Variants in PIK3C2G observed in about 807,000 individuals in gnomAD.
PIK3C2G encodes the protein phosphatidylinositol 3-kinase C2 domain-containing subunit gamma.
A neutral mutation model predicts 181.1 loss-of-function variants in PIK3C2G; 168 were observed. That is an observed-to-expected ratio of 0.93 (90% CI 0.82 to 1.05). The LOEUF (loss-of-function observed/expected upper bound fraction) is 1.05. PIK3C2G is among the 50% of genes least tolerant of loss of function. PIK3C2G has a pLI of 0.00. For synonymous variants in PIK3C2G, 573 were observed against 592.2 expected (o/e 0.97, Z 0.47); for missense variants, 1,869 against 1,732.8 (o/e 1.08, Z -1.40).
intron 6 of PIK3C2G, chr12:18,320,085 C>T (rs915776984): frequency 1.3e-5 from 2 of 152,172 alleles, no homozygotes; most frequent in East Asian, 3.9e-4. Context: ...GAAGGTTTTC[C>T]TTCTGATGTT....
At chr12:18,641,330 T>C (rs548929901) in intron 32 of PIK3C2G, among the ~76,000 whole-genome samples, 1 of 152,276 alleles carries the variant, frequency 6.6e-6, no homozygotes, top group Admixed American at 6.5e-5. Context: ...TTCTGACCTT[T>C]ATTGATAGTA....
At chr12:18,570,532 C>A (rs1945877634) in intron 29 of PIK3C2G, among the ~76,000 whole-genome samples, 2 of 150,112 alleles carry the variant, frequency 1.3e-5, no homozygotes, top group African/African-American at 5.0e-5. Context: ...TTTATTAATA[C>A]ACACACTCAA....
intron 20 of PIK3C2G, among the ~76,000 whole-genome samples, chr12:18,494,054 A>G (rs926397573): frequency 6.6e-6 from 1 of 152,178 alleles, no homozygotes; most frequent in Admixed American, 6.5e-5. Context: ...ATTTTTAGAT[A>G]TCTGTCATTA....
At chr12:18,470,931 T>C (rs777616230) in intron 18 of PIK3C2G, among the ~76,000 whole-genome samples, 35 of 152,156 alleles carry the variant, frequency 2.3e-4, no homozygotes, top group Non-Finnish European at 3.7e-4. Flanking sequence ...TTACTTTATT[T>C]CAAAGTTTCC....
Position 18,293,890 on chromosome 12 carries a change from T to C in PIK3C2G, c.920-11T>C. On this transcript the variant is annotated splice_polypyrimidine_tract_variant and intron_variant, in intron 4 of 32. Transcript: ENST00000538779. ...CTTTTATTGACTTTTATTATTCCTC[T>C]TTTTCTTTAGCTAATTATCTTGTCA... 7.5e-7 allele frequency: 1 copy of C among 1,339,468 alleles called. No individual in the cohort carries two copies. The highest frequency in any genetic ancestry group is 1.1e-6 in the Non-Finnish European group (1 of 931,518). 83.0% of individuals were successfully genotyped at this position (1,339,468 alleles called of 1,614,324 possible).
intron 5 of PIK3C2G, 107 bp downstream of exon 5, chr12:18,294,122 T>C (rs1447010494): frequency 3.4e-6 from 2 of 591,208 alleles, no homozygotes; most frequent in Non-Finnish European, 6.0e-6. Flanking sequence ...TATAGTCTTA[T>C]ATAATTAAAT....
chr12:18,287,897 C>T (rs555637224), intron 3 of PIK3C2G, among the ~76,000 whole-genome samples: 2 of 151,274 alleles, frequency 1.3e-5, no homozygotes, highest in South Asian at 2.1e-4. Context: ...CACGGTGGCT[C>T]ACGCCTGTAA....
At chr12:18,423,858 T>C (rs1418313199) in intron 17 of PIK3C2G, 87 bp from the exon 18 acceptor site, 11 of 755,934 alleles carry the variant, frequency 1.5e-5, no homozygotes, top group Non-Finnish European at 2.3e-5. Flanking sequence ...CTGTTTTCTC[T>C]AGTCTTTTCT....
At chr12:18,383,757 TA>T (rs1051175156) in intron 14 of PIK3C2G, among the ~76,000 whole-genome samples, 11 of 151,394 alleles carry the variant, frequency 7.3e-5, no homozygotes, top group African/African-American at 2.7e-4. Flanking sequence ...GAAAATGCCT[TA>T]AAAAAACAGG....
At chr12:18,594,031 T>G (rs1161442030) in intron 29 of PIK3C2G, among the ~76,000 whole-genome samples, 1 of 151,932 alleles carries the variant, frequency 6.6e-6, no homozygotes, top group East Asian at 2.0e-4. Context: ...AATTCCTCAG[T>G]GCTCTGAGTG....
chr12:18,653,643 A>C, the PIK3C2G span, among the ~76,000 whole-genome samples: 1 of 152,148 alleles, frequency 6.6e-6, no homozygotes, highest in African/African-American at 2.4e-5. Context: ...AGACAAAACC[A>C]AACGAATTCA....
At chr12:18,472,221 T>C (rs1043462062) in intron 18 of PIK3C2G, among the ~76,000 whole-genome samples, 6 of 152,202 alleles carry the variant, frequency 3.9e-5, no homozygotes, top group African/African-American at 1.4e-4. Context: ...GTGATCATAA[T>C]GATACATTTA....
upstream of PIK3C2G, among the ~76,000 whole-genome samples, chr12:18,257,740 A>G (rs76023721): frequency 5.4e-4 from 65 of 121,274 alleles, no homozygotes; most frequent in African/African-American, 1.2e-3. Context: ...GAGGGAGGGA[A>G]GGAAGGAAGA....
intron 30 of PIK3C2G, among the ~76,000 whole-genome samples, chr12:18,604,308 T>C (rs1452580252): frequency 6.6e-6 from 1 of 152,186 alleles, no homozygotes; most frequent in African/African-American, 2.4e-5. Flanking sequence ...AGGGACAGTA[T>C]ATAATGGTAA....
At chr12:18,331,533 C>A (rs1937968011) in intron 8 of PIK3C2G, among the ~76,000 whole-genome samples, 1 of 151,990 alleles carries the variant, frequency 6.6e-6, no homozygotes, top group Admixed American at 6.6e-5. Context: ...TTCTTGAAAT[C>A]ACTTTTTATA....
At chr12:18,546,962 G>A (rs999731895) in intron 26 of PIK3C2G, among the ~76,000 whole-genome samples, 5 of 151,924 alleles carry the variant, frequency 3.3e-5, no homozygotes, top group Non-Finnish European at 5.9e-5. Context: ...CTGGTCAAAA[G>A]GACAGTACAT....
chr12:18,696,009 C>T, the PIK3C2G span: 2 of 544,798 alleles, frequency 3.7e-6, no homozygotes, highest in Non-Finnish European at 6.7e-6. Flanking sequence ...AACACATGAC[C>T]CACCATTAGT....
chr12:18,464,589 T>A (rs902405932), intron 18 of PIK3C2G, among the ~76,000 whole-genome samples: 5 of 152,076 alleles, frequency 3.3e-5, no homozygotes, highest in Admixed American at 6.6e-5. Flanking sequence ...GAAGAAGAAA[T>A]GACTTTAATT....
chr12:18,722,475 T>C, the PIK3C2G span, among the ~76,000 whole-genome samples: 3 of 152,074 alleles, frequency 2.0e-5, no homozygotes, highest in African/African-American at 7.2e-5. Context: ...ATTGGTAGCC[T>C]AAACCAACTT....
Sources: allele counts gnomAD v4.1 joint callset (sites outside exome capture counted in the v4.1 genomes callset), GRCh38; gene constraint gnomAD v4.1.1; transcripts MANE v1.5; gene names NCBI Gene and HGNC (gene_info 2026-07-23, HGNC 2026-07-21).